ARB2A: variants seen among roughly 807,000 people sequenced by gnomAD.
The protein encoded by ARB2A is cotranscriptional regulator ARB2A.
At chr5:93,763,420 T>C in the ARB2A span, among the ~76,000 whole-genome samples, 1 of 152,134 alleles carries the variant, frequency 6.6e-6, no homozygotes, top group East Asian at 1.9e-4. Context: ...AAACAGACTT[T>C]AAACCAACTA....
the ARB2A span, among the ~76,000 whole-genome samples, chr5:93,621,460 C>G: frequency 6.6e-6 from 1 of 152,212 alleles, no homozygotes; most frequent in Non-Finnish European, 1.5e-5. Flanking sequence ...GGACGCGGCC[C>G]GGATCTGTCC....
the ARB2A span, among the ~76,000 whole-genome samples, chr5:93,945,886 GAGA>G: frequency 1.3e-5 from 2 of 152,090 alleles, no homozygotes; most frequent in East Asian, 3.9e-4. Flanking sequence ...TAACACCAGG[GAGA>G]AGGAGAAGCT....
the ARB2A span, among the ~76,000 whole-genome samples, chr5:93,704,361 C>G: frequency 1.8e-4 from 28 of 152,110 alleles, no homozygotes; most frequent in South Asian, 5.6e-3. Flanking sequence ...ACTTGACTAG[C>G]CTACAAGCAT....
the ARB2A span, among the ~76,000 whole-genome samples, chr5:93,827,593 T>G: frequency 6.6e-6 from 1 of 152,124 alleles, no homozygotes; most frequent in Non-Finnish European, 1.5e-5. Context: ...AGAAGCTCTT[T>G]AGTTTCATTA....
the ARB2A span, among the ~76,000 whole-genome samples, chr5:93,940,831 C>T: frequency 6.6e-6 from 1 of 152,072 alleles, no homozygotes; most frequent in African/African-American, 2.4e-5. Context: ...TCAGTTATTT[C>T]AAGTTTAGAC....
the ARB2A span, among the ~76,000 whole-genome samples, chr5:93,998,632 T>C: frequency 6.6e-6 from 1 of 151,998 alleles, no homozygotes; most frequent in Non-Finnish European, 1.5e-5. Context: ...AAGGTTAATT[T>C]TAATAATCAA....
chr5:94,020,479 A>C, the ARB2A span, among the ~76,000 whole-genome samples: 1 of 152,222 alleles, frequency 6.6e-6, no homozygotes, highest in African/African-American at 2.4e-5. Context: ...TTGGTAAACC[A>C]AGCAAAGATC....
chr5:93,900,506 G>A, the ARB2A span, among the ~76,000 whole-genome samples: 5 of 151,716 alleles, frequency 3.3e-5, no homozygotes, highest in Admixed American at 2.6e-4. Flanking sequence ...AGCTACTCAG[G>A]AGGCTGAGGC....
At chr5:94,084,060 G>A in the ARB2A span, among the ~76,000 whole-genome samples, 1 of 151,880 alleles carries the variant, frequency 6.6e-6, no homozygotes, top group Non-Finnish European at 1.5e-5. Flanking sequence ...ATCCACCTGA[G>A]GTCGGGAGTT....
chr5:93,799,270 A>C, the ARB2A span, among the ~76,000 whole-genome samples: 1 of 152,114 alleles, frequency 6.6e-6, no homozygotes, highest in African/African-American at 2.4e-5. Flanking sequence ...TCAATCATAA[A>C]AATTACAAAG....
At chr5:93,866,173 T>C in the ARB2A span, 1 of 985,294 alleles carries the variant, frequency 1.0e-6, no homozygotes, top group Admixed American at 6.1e-5. Context: ...ATGGCATCAT[T>C]TTATCAGCAG....
the ARB2A span, among the ~76,000 whole-genome samples, chr5:93,750,181 T>A: frequency 5.9e-5 from 9 of 152,126 alleles, no homozygotes; most frequent in Non-Finnish European, 1.3e-4. Flanking sequence ...ATAATGCAAA[T>A]TAGGGGTAAG....
chr5:94,048,051 C>CTTTTTTTTTTTTTTTTTTTTTT, the ARB2A span, among the ~76,000 whole-genome samples: 1 of 96,086 alleles, frequency 1.0e-5, no homozygotes, highest in African/African-American at 4.0e-5. Context: ...AATCGGTAAG[C>CTTTTTTTTTTTTTTTTTTTTTT]TTTTTTTTTT....
the ARB2A span, among the ~76,000 whole-genome samples, chr5:94,024,904 G>T: frequency 1.3e-5 from 2 of 152,170 alleles, no homozygotes; most frequent in Non-Finnish European, 2.9e-5. Context: ...CATGCACAGG[G>T]TGAAAAGGGA....
the ARB2A span, chr5:93,910,801 T>C: frequency 6.6e-6 from 1 of 151,516 alleles, no homozygotes; most frequent in African/African-American, 2.4e-5. Flanking sequence ...TTATTTCATA[T>C]GCTATGCACT....
At chr5:93,935,338 T>C in the ARB2A span, among the ~76,000 whole-genome samples, 58 of 152,066 alleles carry the variant, frequency 3.8e-4, no homozygotes, top group Admixed American at 7.2e-4. Context: ...CTTGATGAGA[T>C]GGTATCTAAG....
At chr5:94,037,554 G>A in the ARB2A span, among the ~76,000 whole-genome samples, 13 of 151,902 alleles carry the variant, frequency 8.6e-5, no homozygotes, top group East Asian at 3.9e-4. Context: ...AAATAATATC[G>A]CATCTACCCA....
the ARB2A span, among the ~76,000 whole-genome samples, chr5:93,652,250 T>C: frequency 6.6e-6 from 1 of 152,174 alleles, no homozygotes; most frequent in African/African-American, 2.4e-5. Flanking sequence ...CTCCTGGTTT[T>C]TCAAAGGAAA....
chr5:93,937,155 G>A, the ARB2A span, among the ~76,000 whole-genome samples: 1 of 151,614 alleles, frequency 6.6e-6, no homozygotes, highest in Non-Finnish European at 1.5e-5. Flanking sequence ...TTACAGGCGT[G>A]AGCCACCGCG....
Sources: allele counts gnomAD v4.1 joint callset (sites outside exome capture counted in the v4.1 genomes callset), GRCh38; gene constraint gnomAD v4.1.1; transcripts MANE v1.5; gene names NCBI Gene and HGNC (gene_info 2026-07-23, HGNC 2026-07-21).